Variants in GPC5 observed in about 807,000 individuals in gnomAD.
The protein encoded by GPC5 is glypican 5.
GPC5 carries 47 observed loss-of-function variants against 53.9 expected under a neutral mutation model. The observed-to-expected ratio is 0.87, with a 90% CI of 0.69 to 1.11. The LOEUF (loss-of-function observed/expected upper bound fraction) is 1.11. Among genes scored for constraint, GPC5 ranks in the 50% most tolerant of loss-of-function variants. GPC5 has a pLI of 0.00. For synonymous variants in GPC5, 286 were observed against 263.3 expected, an observed-to-expected ratio of 1.09 and a Z score of -0.84; for missense variants, 748 against 713.1, an observed-to-expected ratio of 1.05 and a Z score of -0.56.
At chr13:92,239,643 C>T (rs1268742888) in intron 7 of GPC5, among the ~76,000 whole-genome samples, 1 of 151,840 alleles carries the variant, frequency 6.6e-6, no homozygotes, top group Non-Finnish European at 1.5e-5. Flanking sequence ...CAAGTGAAAA[C>T]AACAATATAT....
chr13:91,862,029 A>G (rs1047392011), intron 5 of GPC5, among the ~76,000 whole-genome samples: 3 of 152,044 alleles, frequency 2.0e-5, no homozygotes, highest in African/African-American at 4.8e-5. Context: ...CCCACAATAA[A>G]ATGATATCTT....
intron 7 of GPC5, among the ~76,000 whole-genome samples, chr13:92,150,879 C>T (rs2041902355): frequency 7.4e-6 from 1 of 134,628 alleles, no homozygotes. Context: ...ACTATATGAT[C>T]AATAGAGGAA....
chr13:91,886,590 A>G lies in GPC5; in HGVS notation c.1281-21347A>G, dbSNP rs192160571. On this transcript the variant is annotated intron_variant, in intron 5 of 7. Coordinates refer to ENST00000377067, the MANE Select transcript of GPC5 (RefSeq NM_004466.6). ...AAGCCTGTAAAACTGAAAGCAAGTT[A>G]GTTTATTTCTACATACAATGGGGTT... 2.6e-5 allele frequency among the ~76,000 whole-genome samples: 4 copies of G among 152,364 alleles called. No individual in the cohort carries two copies. The East Asian group carries it at 7.7e-4, about 29-fold the overall frequency.
chr13:91,988,136 A>G (rs1031306405), intron 6 of GPC5, among the ~76,000 whole-genome samples: 3 of 151,322 alleles, frequency 2.0e-5, no homozygotes, highest in African/African-American at 7.3e-5. Context: ...TAAGGCCATT[A>G]TTATGCTAAC....
At chr13:92,029,452 T>C (rs946773100) in intron 6 of GPC5, among the ~76,000 whole-genome samples, 1 of 152,184 alleles carries the variant, frequency 6.6e-6, no homozygotes, top group East Asian at 1.9e-4. Context: ...ATAATCAAGC[T>C]AGAAGGGAGA....
intron 2 of GPC5, among the ~76,000 whole-genome samples, chr13:91,617,159 A>G (rs1023680465): frequency 7.2e-5 from 11 of 152,170 alleles, no homozygotes; most frequent in African/African-American, 2.4e-4. Flanking sequence ...AAATGTCATC[A>G]TACTTTGCCT....
chr13:91,442,167 T>C (rs935533363), intron 1 of GPC5, among the ~76,000 whole-genome samples: 1 of 152,310 alleles, frequency 6.6e-6, no homozygotes, highest in East Asian at 1.9e-4. Context: ...TGAACACCCT[T>C]GTAACTACCA....
At chr13:92,801,922 G>A (rs1051256999) in intron 7 of GPC5, among the ~76,000 whole-genome samples, 3 of 151,708 alleles carry the variant, frequency 2.0e-5, no homozygotes, top group African/African-American at 7.3e-5. Flanking sequence ...CAGGTATAAA[G>A]TTAAAAAGTT....
chr13:91,693,498 G>C lies in GPC5; in HGVS notation c.637G>C (p.Gly213Arg). ...PFGNIPQRVM[G>R]QMGRSLLPSR... ...TGGTAATATTCCCCAAAGAGTAATG[G>C]GACAGATGGGGAGGTCCCTGCTGCC... The change falls in exon 3 of 8, where the codon GGA becomes CGA. Residue 213 changes from glycine to arginine, a missense_variant. Gly to Arg is a moderately radical substitution (Grantham distance 125). Coordinates refer to ENST00000377067, the MANE Select transcript of GPC5 (RefSeq NM_004466.6). 1 of 1,614,096 alleles carries C rather than the reference G, an allele frequency of 6.2e-7. No individual in the cohort carries two copies. The highest frequency in any genetic ancestry group is 8.5e-7 in the Non-Finnish European group (1 of 1,180,018).
intron 7 of GPC5, among the ~76,000 whole-genome samples, chr13:92,615,905 T>C (rs1020873667): frequency 6.6e-6 from 1 of 152,004 alleles, no homozygotes; most frequent in Admixed American, 6.5e-5. Flanking sequence ...TACAAAAAAA[T>C]TAGCCGGGCA....
At chr13:92,298,461 A>C (rs2043053477) in intron 7 of GPC5, among the ~76,000 whole-genome samples, 1 of 152,110 alleles carries the variant, frequency 6.6e-6, no homozygotes, top group South Asian at 2.1e-4. Flanking sequence ...AGGCAAAAAC[A>C]GCTTGCTAGG....
chr13:92,238,776 T>G (rs930092866), intron 7 of GPC5, among the ~76,000 whole-genome samples: 1 of 84,698 alleles, frequency 1.2e-5, no homozygotes, highest in African/African-American at 7.1e-5. Context: ...TGATGTTCAA[T>G]TTATCTTTTT....
intron 6 of GPC5, among the ~76,000 whole-genome samples, chr13:92,039,912 T>G (rs1366851887): frequency 6.6e-6 from 1 of 152,222 alleles, no homozygotes; most frequent in Non-Finnish European, 1.5e-5. Flanking sequence ...GTCTTTGGGT[T>G]AGGACTTCAA....
intron 7 of GPC5, among the ~76,000 whole-genome samples, chr13:92,379,689 C>G (rs976900907): frequency 7.9e-5 from 12 of 151,782 alleles, no homozygotes; most frequent in Admixed American, 1.3e-4. Context: ...TCTCTGTGCC[C>G]CCTGCATATT....
At chr13:91,856,666 T>G (rs1199794740) in intron 5 of GPC5, among the ~76,000 whole-genome samples, 3 of 151,478 alleles carry the variant, frequency 2.0e-5, no homozygotes, top group African/African-American at 7.2e-5. Flanking sequence ...TGTGTAGGAT[T>G]TCTTTACATA....
chr13:92,785,236 C>T (rs1876179786), intron 7 of GPC5, among the ~76,000 whole-genome samples: 1 of 152,008 alleles, frequency 6.6e-6, no homozygotes, highest in African/African-American at 2.4e-5. Flanking sequence ...AGATCAGGCC[C>T]CTTCACTCCA....
At chr13:91,844,005 A>G (rs777691653) in intron 5 of GPC5, among the ~76,000 whole-genome samples, 31 of 152,146 alleles carry the variant, frequency 2.0e-4, no homozygotes, top group Non-Finnish European at 5.9e-5. Flanking sequence ...TATTTTAGGT[A>G]TGGGAAAATA....
chr13:92,000,729 A>G (rs541137162), intron 6 of GPC5, among the ~76,000 whole-genome samples: 2 of 152,346 alleles, frequency 1.3e-5, no homozygotes, highest in African/African-American at 2.4e-5. Context: ...AGATGCTGGC[A>G]GGTAGCAGGC....
At chr13:91,689,184 A>AATATATATATATAT (rs1169911890) in intron 2 of GPC5, among the ~76,000 whole-genome samples, 11 of 49,586 alleles carry the variant, frequency 2.2e-4, no homozygotes, top group Non-Finnish European at 3.8e-4. Flanking sequence ...ATCATATATA[A>AATATATATATATAT]ATATATATAT....
Sources: allele counts gnomAD v4.1 joint callset (sites outside exome capture counted in the v4.1 genomes callset), GRCh38; gene constraint gnomAD v4.1.1; transcripts MANE v1.5; gene names NCBI Gene and HGNC (gene_info 2026-07-23, HGNC 2026-07-21).